The following RNF152 variants were observed in gnomAD, a reference collection of about 807,000 sequenced individuals.
RNF152 encodes the protein ring finger protein 152.
In RNF152, 11 loss-of-function variants were observed where a neutral mutation model predicts 12.7. The observed-to-expected ratio is 0.86, with a 90% confidence interval of 0.54 to 1.43. RNF152 has a LOEUF of 1.43. Ranked by LOEUF, RNF152 falls within the 40% of genes most tolerant of loss-of-function variation. RNF152 has a pLI of 0.00. For missense variants in RNF152, 255 were observed against 274.8 expected, an observed-to-expected ratio of 0.93 and a Z score of 0.51; for synonymous variants, 113 against 120.3, an observed-to-expected ratio of 0.94 and a Z score of 0.40.
chr18:61,833,829 A>C (rs12373176), intron 1 of RNF152, among the ~76,000 whole-genome samples: 69,423 of 152,010 alleles, frequency 0.46, 16,348 homozygotes, highest in Non-Finnish European at 0.53. Flanking sequence ...TACATCACCT[A>C]AGGTGACCTC....
intron 1 of RNF152, among the ~76,000 whole-genome samples, chr18:61,836,430 G>A (rs1251056149): frequency 6.6e-6 from 1 of 152,200 alleles, no homozygotes; most frequent in African/African-American, 2.4e-5. Flanking sequence ...ATTAGGTTTA[G>A]ATGAGGTCAT....
In RNF152 at chr18:61,813,823, T is replaced by C. The variant is rs973719669; in HGVS notation, c.*2029A>G. 3 of 152,158 alleles carry C rather than the reference T, an allele frequency of 2.0e-5. No homozygotes were observed. Among genetic ancestry groups the C allele is most frequent in the East Asian group, 1.9e-4 (1 of 5,188 alleles). 9.4% of individuals were successfully genotyped at this position (152,158 alleles called of 1,614,324 possible). On this transcript the variant is annotated 3_prime_UTR_variant, in exon 2 of 2. Transcript: ENST00000312828. ...TGTGTGTATTTTCCTCCAAGAGAAA[T>C]AGAAATTAGGTCAGACATGCATTAT...
At position 61,813,631 on chromosome 18, in the gene RNF152, G is replaced by C. The variant is rs1908928391; in HGVS notation, c.*2221C>G. 1 of 152,288 alleles carries C rather than the reference G, an allele frequency of 6.6e-6. No homozygotes were observed. Among genetic ancestry groups the C allele is most frequent in the Non-Finnish European group, 1.5e-5 (1 of 68,018 alleles). The allele number at this position is 152,288 out of a possible 1,614,324, so 9.4% of individuals were successfully genotyped here. Reference sequence around the variant, plus strand: ...TATATCTAACCTACTTTAACAAGTAGAACTCTATCACGTACTATACTACAG... The same window carrying C: ...TATATCTAACCTACTTTAACAAGTACAACTCTATCACGTACTATACTACAG... On this transcript the variant is annotated 3_prime_UTR_variant, in exon 2 of 2. Transcript: ENST00000312828.
intron 1 of RNF152, among the ~76,000 whole-genome samples, chr18:61,843,264 G>T (rs1432717293): frequency 2.0e-5 from 3 of 152,152 alleles, no homozygotes; most frequent in Non-Finnish European, 2.9e-5. Flanking sequence ...ATGGTCAATG[G>T]TGTGTTTCTA....
chr18:61,822,033 C>A (rs1160135827), intron 1 of RNF152, among the ~76,000 whole-genome samples: 1 of 152,110 alleles, frequency 6.6e-6, no homozygotes, highest in Non-Finnish European at 1.5e-5. Flanking sequence ...AGATGTGATA[C>A]TCCAATAAAA....
At chr18:61,834,318 C>A (rs958196119) in intron 1 of RNF152, among the ~76,000 whole-genome samples, 1 of 152,228 alleles carries the variant, frequency 6.6e-6, no homozygotes, top group Non-Finnish European at 1.5e-5. Context: ...CTGCTTTCAG[C>A]CCAAATGTCT....
At chr18:61,828,651 CA>C (rs1909783704) in intron 1 of RNF152, among the ~76,000 whole-genome samples, 1 of 152,176 alleles carries the variant, frequency 6.6e-6, no homozygotes, top group Non-Finnish European at 1.5e-5. Flanking sequence ...ATAATATTCT[CA>C]GTGTACTTTA....
intron 1 of RNF152, among the ~76,000 whole-genome samples, chr18:61,877,483 T>C (rs967084599): frequency 6.6e-6 from 1 of 152,218 alleles, no homozygotes; most frequent in Non-Finnish European, 1.5e-5. Context: ...AAATGCATTA[T>C]ACATAAATTG....
chr18:61,879,239 C>T (rs553031598), intron 1 of RNF152, among the ~76,000 whole-genome samples: 1 of 152,194 alleles, frequency 6.6e-6, no homozygotes, highest in Non-Finnish European at 1.5e-5. Flanking sequence ...TACAGTATAA[C>T]AACAACTTAC....
chr18:61,841,166 A>G (rs952120237), intron 1 of RNF152, among the ~76,000 whole-genome samples: 5 of 152,198 alleles, frequency 3.3e-5, no homozygotes, highest in Non-Finnish European at 7.3e-5. Flanking sequence ...GGTTCCATAC[A>G]TGATAGAAGT....
intron 1 of RNF152, among the ~76,000 whole-genome samples, chr18:61,884,558 CTTTTG>C (rs1390955438): frequency 6.6e-6 from 1 of 151,936 alleles, no homozygotes; most frequent in East Asian, 1.9e-4. Flanking sequence ...ATTCAACATT[CTTTTG>C]TTTGTTTGTT....
At chr18:61,827,946 T>G (rs1275668227) in intron 1 of RNF152, among the ~76,000 whole-genome samples, 2 of 152,254 alleles carry the variant, frequency 1.3e-5, no homozygotes, top group Non-Finnish European at 2.9e-5. Context: ...CATCCATCAT[T>G]AATCCACCTT....
intron 1 of RNF152, among the ~76,000 whole-genome samples, chr18:61,879,781 C>T (rs370494806): frequency 1.3e-4 from 19 of 151,826 alleles, no homozygotes; most frequent in Admixed American, 8.5e-4. Context: ...CTGACCAACA[C>T]GGAGAAACCC....
chr18:61,855,876 G>A (rs1238285146), intron 1 of RNF152, among the ~76,000 whole-genome samples: 3 of 152,208 alleles, frequency 2.0e-5, no homozygotes, highest in Non-Finnish European at 4.4e-5. Flanking sequence ...AGAGGATCCC[G>A]TGACAAAAGC....
intron 1 of RNF152, among the ~76,000 whole-genome samples, chr18:61,882,370 C>T (rs1444742758): frequency 5.3e-5 from 8 of 152,166 alleles, no homozygotes; most frequent in East Asian, 1.9e-4. Context: ...CCTTTTTATT[C>T]GGTGAAGTAA....
intron 1 of RNF152, among the ~76,000 whole-genome samples, chr18:61,874,823 C>CCATA (rs1912145086): frequency 1.3e-5 from 2 of 152,158 alleles, no homozygotes; most frequent in African/African-American, 4.8e-5. Flanking sequence ...GAAGTCATTT[C>CCATA]CATAGTGTAT....
chr18:61,823,496 G>A (rs553520570), intron 1 of RNF152, among the ~76,000 whole-genome samples: 95 of 152,212 alleles, frequency 6.2e-4, no homozygotes, highest in African/African-American at 2.1e-3. Context: ...ATAGGGTTTC[G>A]CCATATTGGC....
rs1163281125 is a variant in RNF152 at position 61,814,600 on chromosome 18, A to G, written c.*1252T>C. 1.3e-5 allele frequency: 2 copies of G among 152,206 alleles called. No homozygotes were observed. Among genetic ancestry groups the G allele is most frequent in the African/African-American group, 4.8e-5 (2 of 41,462 alleles). The allele number at this position is 152,206 out of a possible 1,614,324, so 9.4% of individuals were successfully genotyped here. On this transcript the variant is annotated 3_prime_UTR_variant, in exon 2 of 2. Transcript: ENST00000312828. ...ACTTATATTGGGAATTTGAGCTGTT[A>G]GTTTACCTTGCCACCTTTCTTGGTA...
At chr18:61,876,823 C>T (rs138173938) in intron 1 of RNF152, among the ~76,000 whole-genome samples, 4 of 152,246 alleles carry the variant, frequency 2.6e-5, no homozygotes, top group East Asian at 1.9e-4. Flanking sequence ...CAATTCATGG[C>T]GTAAGTGTCA....
Sources: gnomAD v4.1 joint callset for allele counts (sites outside exome capture counted in the v4.1 genomes callset) on GRCh38, gnomAD v4.1.1 for gene constraint, MANE v1.5 for transcripts, NCBI Gene and HGNC (gene_info 2026-07-23, HGNC 2026-07-21) for gene names.